Variants in ROBO2 observed in about 807,000 individuals in gnomAD.
The protein encoded by ROBO2 is roundabout guidance receptor 2, also known as roundabout homolog 2.
ROBO2 carries 53 observed loss-of-function variants against 160.8 expected under a neutral mutation model. That is an observed-to-expected ratio of 0.33 (90% CI 0.26 to 0.41). The LOEUF is 0.41. ROBO2 is among the 10% of genes least tolerant of loss of function. The pLI, the probability that ROBO2 is intolerant of heterozygous loss-of-function variation, is 1.00. For synonymous variants in ROBO2, 664 were observed against 611.7 expected (o/e 1.09, Z -1.26); for missense variants, 1,577 against 1,722.4 (o/e 0.92, Z 1.49).
In ROBO2 at chr3:76,935,894, C is replaced by T. The variant is rs145149842; in HGVS notation, c.110-162120C>T. On this transcript the variant is annotated intron_variant, in intron 2 of 26. Coordinates refer to the ROBO2 transcript ENST00000487694. The stretch of plus-strand genomic sequence containing the variant: ...TCATGAAGACTCTCTGCTCTCAAGA[C>T]CTCATCACCCCACAAAGGTCCTTCT... Among the ~76,000 whole-genome samples, 326 of 152,258 alleles carry T rather than the reference C, an allele frequency of 2.1e-3. 1 individual carries two copies. The highest frequency in any genetic ancestry group is 0.01 in the Middle Eastern group (3 of 294).
chr3:76,966,920 T>A (rs1207950780), intron 2 of ROBO2, among the ~76,000 whole-genome samples: 1 of 152,190 alleles, frequency 6.6e-6, no homozygotes, highest in Non-Finnish European at 1.5e-5. Context: ...TGAACAAGAC[T>A]TTGCTTGAAG....
At chr3:76,372,214 A>G (rs994626651) in intron 2 of ROBO2, among the ~76,000 whole-genome samples, 4 of 151,896 alleles carry the variant, frequency 2.6e-5, no homozygotes, top group African/African-American at 9.7e-5. Flanking sequence ...TATATTTCCT[A>G]TTTGCATTAA....
intron 2 of ROBO2, among the ~76,000 whole-genome samples, chr3:76,535,894 G>A (rs939919602): frequency 6.6e-6 from 1 of 152,162 alleles, no homozygotes; most frequent in Admixed American, 6.5e-5. Context: ...GGCTTCCGAG[G>A]TGATTGGGCA....
At chr3:76,695,679 G>GATGTTTTA (rs1486423861) in intron 2 of ROBO2, among the ~76,000 whole-genome samples, 1 of 152,096 alleles carries the variant, frequency 6.6e-6, no homozygotes, top group East Asian at 1.9e-4. Context: ...AAAAACTTTA[G>GATGTTTTA]ATGTTTTAAC....
At chr3:76,172,718 A>C (rs905537951) in intron 2 of ROBO2, among the ~76,000 whole-genome samples, 6 of 152,198 alleles carry the variant, frequency 3.9e-5, no homozygotes, top group Admixed American at 1.3e-4. Context: ...TGTAATCATC[A>C]GATGATGACT....
At chr3:76,712,412 C>A (rs1026212170) in intron 2 of ROBO2, among the ~76,000 whole-genome samples, 13 of 152,210 alleles carry the variant, frequency 8.5e-5, no homozygotes, top group Non-Finnish European at 1.8e-4. Flanking sequence ...TGGTGGCTCA[C>A]ACCTGTAATC....
chr3:76,879,995 C>A (rs2073170743), intron 2 of ROBO2, among the ~76,000 whole-genome samples: 1 of 152,094 alleles, frequency 6.6e-6, no homozygotes, highest in African/African-American at 2.4e-5. Context: ...AGAAGTAGTT[C>A]TCAGAGTAAT....
At chr3:76,808,077 T>C (rs2064873601) in intron 2 of ROBO2, among the ~76,000 whole-genome samples, 1 of 152,106 alleles carries the variant, frequency 6.6e-6, no homozygotes, top group Admixed American at 6.6e-5. Flanking sequence ...TTATAATAAA[T>C]ATAATGTACT....
chr3:76,548,895 C>T lies in ROBO2; in HGVS notation c.110-549119C>T, dbSNP rs192109575. On this transcript the variant is annotated intron_variant, in intron 2 of 26. Transcript: ENST00000487694. The stretch of plus-strand genomic sequence containing the variant: ...ATAAACACTGCCCCCACTCCAGCTC[C>T]ACCATGGATTATAGTGAAGACTGAG... 9.3e-4 allele frequency among the ~76,000 whole-genome samples: 142 copies of T among 152,268 alleles called. 1 individual carries two copies. The highest frequency in any genetic ancestry group is 3.3e-3 in the African/African-American group (137 of 41,556).
intron 2 of ROBO2, among the ~76,000 whole-genome samples, chr3:76,293,250 T>C (rs1221765756): frequency 6.6e-6 from 1 of 152,104 alleles, no homozygotes; most frequent in Non-Finnish European, 1.5e-5. Context: ...TTTTGGGAAT[T>C]AGAAAGAATG....
At chr3:76,727,698 CAG>C (rs1697890574) in intron 2 of ROBO2, among the ~76,000 whole-genome samples, 1 of 151,978 alleles carries the variant, frequency 6.6e-6, no homozygotes, top group African/African-American at 2.4e-5. Flanking sequence ...AAGTTGATCT[CAG>C]GGAGGTAGAG....
chr3:76,556,924 C>T (rs1273420854), intron 2 of ROBO2, among the ~76,000 whole-genome samples: 1 of 152,026 alleles, frequency 6.6e-6, no homozygotes, highest in Non-Finnish European at 1.5e-5. Flanking sequence ...ATAGTCATCT[C>T]CATAATTCTA....
intron 2 of ROBO2, among the ~76,000 whole-genome samples, chr3:76,452,921 G>A (rs952251267): frequency 6.6e-6 from 1 of 152,128 alleles, no homozygotes; most frequent in African/African-American, 2.4e-5. Flanking sequence ...TTCTCTGATG[G>A]CCAGTGATGG....
chr3:77,530,469 T>C (rs1447910414), intron 6 of ROBO2, among the ~76,000 whole-genome samples: 1 of 152,036 alleles, frequency 6.6e-6, no homozygotes, highest in East Asian at 1.9e-4. Context: ...TGCAACTCCT[T>C]GCAGTCACAG....
chr3:75,932,108 C>T (rs1947570813), intron 1 of ROBO2, among the ~76,000 whole-genome samples: 1 of 151,996 alleles, frequency 6.6e-6, no homozygotes, highest in Admixed American at 6.6e-5. Flanking sequence ...GAGAGGGTAT[C>T]AGTGTAAGCA....
At chr3:76,554,929 T>C (rs1454986828) in intron 2 of ROBO2, among the ~76,000 whole-genome samples, 1 of 151,986 alleles carries the variant, frequency 6.6e-6, no homozygotes, top group African/African-American at 2.4e-5. Context: ...GCATGAGTAT[T>C]TATGGCATGG....
At chr3:76,061,866 G>T (rs2068080822) in intron 2 of ROBO2, among the ~76,000 whole-genome samples, 2 of 151,998 alleles carry the variant, frequency 1.3e-5, no homozygotes, top group South Asian at 4.2e-4. Flanking sequence ...TTCTTTTTCT[G>T]TCCGACAGGG....
chr3:76,948,908 ATTTTTTTTTTT>A (rs1157110855), intron 2 of ROBO2, among the ~76,000 whole-genome samples: 3 of 24,970 alleles, frequency 1.2e-4, no homozygotes, highest in African/African-American at 3.7e-4. Flanking sequence ...ATATATATAT[ATTTTTTTTTTT>A]TTTTTTTTTT....
At chr3:77,009,669 A>G (rs2149454793) in intron 2 of ROBO2, among the ~76,000 whole-genome samples, 1 of 152,284 alleles carries the variant, frequency 6.6e-6, no homozygotes, top group South Asian at 2.1e-4. Context: ...CTATTTAAAA[A>G]TCACTCTTGG....
Sources: gnomAD v4.1 joint callset for allele counts (sites outside exome capture counted in the v4.1 genomes callset) on GRCh38, gnomAD v4.1.1 for gene constraint, MANE v1.5 for transcripts, NCBI Gene and HGNC (gene_info 2026-07-23, HGNC 2026-07-21) for gene names.